Variants in GRIK1 observed in about 807,000 individuals in gnomAD.
GRIK1 encodes the protein glutamate ionotropic receptor kainate type subunit 1, also known as glutamate receptor ionotropic, kainate 1.
In GRIK1, 69 loss-of-function variants were observed where a neutral mutation model predicts 105.7. The ratio of observed to expected loss-of-function variants is 0.65; its 90% CI spans 0.54 to 0.80. GRIK1 has a LOEUF of 0.80. Among genes scored for constraint, GRIK1 ranks in the 30% least tolerant of loss-of-function variants. The probability of loss-of-function intolerance (pLI) is 0.00; values close to 1 mark genes in which losing one functional copy is unlikely to be tolerated. For missense variants in GRIK1, 1,109 were observed against 1,167.3 expected, an observed-to-expected ratio of 0.95 and a Z score of 0.73; for synonymous variants, 438 against 431.3, an observed-to-expected ratio of 1.02 and a Z score of -0.19.
intron 1 of GRIK1, among the ~76,000 whole-genome samples, chr21:29,792,109 A>G (rs369733738): frequency 2.6e-5 from 4 of 152,128 alleles, no homozygotes; most frequent in East Asian, 1.9e-4. Flanking sequence ...GTGTGTGTGT[A>G]TATAGTATAT....
At chr21:29,845,814 A>C (rs2068095677) in intron 1 of GRIK1, among the ~76,000 whole-genome samples, 1 of 152,122 alleles carries the variant, frequency 6.6e-6, no homozygotes, top group Non-Finnish European at 1.5e-5. Flanking sequence ...TTGTTGAAGA[A>C]TTGGGTGTGG....
chr21:29,858,130 C>T (rs988787790), intron 1 of GRIK1, among the ~76,000 whole-genome samples: 1 of 152,108 alleles, frequency 6.6e-6, no homozygotes, highest in African/African-American at 2.4e-5. Flanking sequence ...AACTCCCGGC[C>T]CCAAGTGATC....
At chr21:29,554,934 G>C in intron 16 of GRIK1, 118 bp downstream of exon 16, 4 of 779,388 alleles carry the variant, frequency 5.1e-6, no homozygotes, top group Non-Finnish European at 8.1e-6. Flanking sequence ...CTCAAAAATG[G>C]CTCTTCTGGG....
At chr21:29,636,430 T>C (rs1170255656) in intron 7 of GRIK1, among the ~76,000 whole-genome samples, 2 of 152,340 alleles carry the variant, frequency 1.3e-5, no homozygotes, top group Non-Finnish European at 2.9e-5. Context: ...TCAGTAGTTG[T>C]GTTTGTTTGA....
intron 1 of GRIK1, among the ~76,000 whole-genome samples, chr21:29,842,557 G>A (rs1050530351): frequency 6.6e-6 from 1 of 152,176 alleles, no homozygotes; most frequent in Non-Finnish European, 1.5e-5. Context: ...ATTTGGCAGA[G>A]CAGTATGTTC....
chr21:29,868,369 T>C (rs1844705027), intron 1 of GRIK1, among the ~76,000 whole-genome samples: 1 of 152,216 alleles, frequency 6.6e-6, no homozygotes, highest in African/African-American at 2.4e-5. Context: ...AACTGTCATT[T>C]AAAAACAAAC....
At chr21:29,856,720 A>G (rs1488027828) in intron 1 of GRIK1, among the ~76,000 whole-genome samples, 1 of 152,206 alleles carries the variant, frequency 6.6e-6, no homozygotes, top group Non-Finnish European at 1.5e-5. Context: ...TTATTTTCAG[A>G]TGATGATAAA....
intron 1 of GRIK1, among the ~76,000 whole-genome samples, chr21:29,847,229 C>A (rs979451513): frequency 2.0e-5 from 3 of 152,114 alleles, no homozygotes; most frequent in Non-Finnish European, 2.9e-5. Context: ...TTCTATTTTG[C>A]CTTCCTGCCT....
intron 1 of GRIK1, among the ~76,000 whole-genome samples, chr21:29,709,153 T>G (rs1025979740): frequency 1.3e-5 from 2 of 152,198 alleles, no homozygotes; most frequent in African/African-American, 4.8e-5. Flanking sequence ...TGTCATATAA[T>G]TTAATTTCTG....
At chr21:29,879,975 T>C (rs745792589) in intron 1 of GRIK1, among the ~76,000 whole-genome samples, 50 of 152,174 alleles carry the variant, frequency 3.3e-4, no homozygotes, top group Non-Finnish European at 1.2e-4. Context: ...AGTTTACATA[T>C]GCAATTGTTA....
At chr21:29,724,507 G>A (rs540450314) in intron 1 of GRIK1, among the ~76,000 whole-genome samples, 1 of 152,338 alleles carries the variant, frequency 6.6e-6, no homozygotes, top group East Asian at 1.9e-4. Context: ...CTTTATAGAA[G>A]TGTTAAAATA....
intron 1 of GRIK1, among the ~76,000 whole-genome samples, chr21:29,785,388 C>A (rs1347914592): frequency 6.6e-6 from 1 of 151,770 alleles, no homozygotes; most frequent in Non-Finnish European, 1.5e-5. Flanking sequence ...AGTGGTGAAA[C>A]CCCATCTCTA....
At chr21:29,604,868 GT>G (rs1447317977) in intron 7 of GRIK1, among the ~76,000 whole-genome samples, 1 of 151,972 alleles carries the variant, frequency 6.6e-6, no homozygotes, top group Non-Finnish European at 1.5e-5. Context: ...AAAATAAAAG[GT>G]TTCATGAATA....
At chr21:29,854,843 C>G (rs899700827) in intron 1 of GRIK1, among the ~76,000 whole-genome samples, 2 of 151,984 alleles carry the variant, frequency 1.3e-5, no homozygotes, top group South Asian at 2.1e-4. Context: ...AAGGGGTCAT[C>G]ATTTGAGATT....
At chr21:29,716,334 G>A (rs2409345) in intron 1 of GRIK1, among the ~76,000 whole-genome samples, 124,188 of 152,160 alleles carry the variant, frequency 0.82, 53,100 homozygotes, top group Non-Finnish European at 0.96. Flanking sequence ...GCAACTTTGG[G>A]ACTGGATAAC....
At chr21:29,835,058 A>G (rs2067751547) in intron 1 of GRIK1, among the ~76,000 whole-genome samples, 1 of 152,132 alleles carries the variant, frequency 6.6e-6, no homozygotes, top group Non-Finnish European at 1.5e-5. Flanking sequence ...TCCAGGTAGC[A>G]ATCCACACAT....
intron 7 of GRIK1, among the ~76,000 whole-genome samples, chr21:29,638,262 T>C (rs1160300921): frequency 2.6e-5 from 4 of 152,064 alleles, no homozygotes; most frequent in Admixed American, 6.6e-5. Context: ...AGTAGGTATG[T>C]CTTACATGGC....
At chr21:29,706,647 A>G (rs2063914103) in intron 1 of GRIK1, among the ~76,000 whole-genome samples, 1 of 152,232 alleles carries the variant, frequency 6.6e-6, no homozygotes, top group Non-Finnish European at 1.5e-5. Flanking sequence ...GATAAGCTTG[A>G]CTAATACAGA....
At chr21:29,807,660 A>C (rs2066902063) in intron 1 of GRIK1, among the ~76,000 whole-genome samples, 1 of 152,160 alleles carries the variant, frequency 6.6e-6, no homozygotes, top group Non-Finnish European at 1.5e-5. Context: ...AAAGCAGAAA[A>C]TTCAAGAACA....
Sources: gnomAD v4.1 joint callset for allele counts (sites outside exome capture counted in the v4.1 genomes callset) on GRCh38, gnomAD v4.1.1 for gene constraint, MANE v1.5 for transcripts, NCBI Gene and HGNC (gene_info 2026-07-23, HGNC 2026-07-21) for gene names.